The following MAP2K1 variants were observed in gnomAD, a reference collection of about 807,000 sequenced individuals.
MAP2K1 encodes the protein mitogen-activated protein kinase kinase 1, also known as dual specificity mitogen-activated protein kinase kinase 1.
A neutral mutation model predicts 46.3 loss-of-function variants in MAP2K1; 16 were observed. The observed-to-expected ratio is 0.35, with a 90% confidence interval of 0.23 to 0.52. MAP2K1 has a LOEUF of 0.52. Ranked by LOEUF, MAP2K1 falls within the 20% of genes least tolerant of loss-of-function variation. The pLI is 0.94. For synonymous variants in MAP2K1, 183 were observed against 185.6 expected, an observed-to-expected ratio of 0.99 and a Z score of 0.11; for missense variants, 263 against 497.1, an observed-to-expected ratio of 0.53 and a Z score of 4.48.
chr15:66,431,598 C>A (rs1008275129), intron 1 of MAP2K1, among the ~76,000 whole-genome samples: 46 of 152,326 alleles, frequency 3.0e-4, no homozygotes, highest in African/African-American at 1.1e-3. Context: ...AAATTTCTTG[C>A]TTCTTCCATT....
At chr15:66,428,330 G>C (rs1399341741) in intron 1 of MAP2K1, among the ~76,000 whole-genome samples, 1 of 144,784 alleles carries the variant, frequency 6.9e-6, no homozygotes, top group Non-Finnish European at 1.5e-5. Flanking sequence ...GTGTGTATGA[G>C]AGGGTTATTG....
In MAP2K1 at chr15:66,386,965, C is replaced by T. The variant is rs1014077465; in HGVS notation, c.-383C>T. The T allele has an allele frequency of 3.8e-6, 1 of 263,976 alleles. No individual in the cohort carries two copies. The highest frequency in any genetic ancestry group is 7.1e-6 in the Non-Finnish European group (1 of 140,216). 16.4% of individuals were successfully genotyped at this position (263,976 alleles called of 1,614,324 possible). On this transcript the variant is annotated 5_prime_UTR_variant, in exon 1 of 11. Coordinates refer to ENST00000307102, the MANE Select transcript of MAP2K1 (RefSeq NM_002755.4). ...GGCTAGGAGCACGGCGGCGGCGGCA[C>T]TTTCCCCGGCAGGAGCTGGAGCTGG... is the stretch of plus-strand genomic sequence containing the variant.
chr15:66,479,055 GTGACTTTGAACAAGTTGCTGGATCTCT>G (rs1468263074), intron 5 of MAP2K1, among the ~76,000 whole-genome samples: 3 of 151,946 alleles, frequency 2.0e-5, no homozygotes, highest in Non-Finnish European at 4.4e-5. Context: ...TTTTTGCTGT[GTGACTTTGAACAAGTTGCTGGATCTCT>G]TGGGCCTTAG....
chr15:66,433,749 C>CT (rs761913120), intron 1 of MAP2K1, among the ~76,000 whole-genome samples: 4 of 152,166 alleles, frequency 2.6e-5, no homozygotes, highest in Non-Finnish European at 5.9e-5. Context: ...GAAGGCCTAT[C>CT]TTGTCACCTG....
intron 1 of MAP2K1, among the ~76,000 whole-genome samples, chr15:66,420,823 A>ATATGTGTATATG: frequency 1.5e-5 from 1 of 65,956 alleles, no homozygotes; most frequent in African/African-American, 4.5e-5. Context: ...ATGTGTATAT[A>ATATGTGTATATG]TATATGTGTA....
At chr15:66,410,003 A>G (rs996949780) in intron 1 of MAP2K1, among the ~76,000 whole-genome samples, 11 of 152,116 alleles carry the variant, frequency 7.2e-5, no homozygotes, top group African/African-American at 2.7e-4. Flanking sequence ...GAGGTGGAAA[A>G]GATCTTGATA....
chr15:66,387,602 T>C (rs560363544), intron 1 of MAP2K1, among the ~76,000 whole-genome samples, 175 bp downstream of exon 1: 2 of 151,092 alleles, frequency 1.3e-5, no homozygotes, highest in Non-Finnish European at 2.9e-5. Flanking sequence ...TGTTCCTGAC[T>C]CAGACCAGTT....
intron 1 of MAP2K1, among the ~76,000 whole-genome samples, chr15:66,399,471 G>A (rs1025492442): frequency 2.0e-5 from 3 of 151,650 alleles, no homozygotes; most frequent in Non-Finnish European, 2.9e-5. Flanking sequence ...TTTTGAGATA[G>A]GATCTCGCTT....
chr15:66,390,695 T>C (rs575889188), intron 1 of MAP2K1, among the ~76,000 whole-genome samples: 9 of 152,300 alleles, frequency 5.9e-5, no homozygotes, highest in African/African-American at 1.9e-4. Context: ...TGTTCCTCTG[T>C]TTAAAATGTT....
At chr15:66,444,925 T>G in intron 5 of MAP2K1, 1 of 549,842 alleles carries the variant, frequency 1.8e-6, no homozygotes, top group Non-Finnish European at 3.3e-6. Flanking sequence ...TGATGGACAA[T>G]AGTCATAGTC....
chr15:66,460,526 G>T (rs904678150), intron 5 of MAP2K1, among the ~76,000 whole-genome samples: 1 of 152,164 alleles, frequency 6.6e-6, no homozygotes, highest in Non-Finnish European at 1.5e-5. Flanking sequence ...TACAACAAAG[G>T]GTTCCTGATG....
chr15:66,398,693 TTG>T (rs138196837), intron 1 of MAP2K1, among the ~76,000 whole-genome samples: 1,878 of 151,808 alleles, frequency 0.012, 27 homozygotes, highest in South Asian at 0.042. Context: ...TGAATCCCAA[TTG>T]TGTACCGGAT....
chr15:66,466,683 AAAAC>A (rs1296566826), intron 5 of MAP2K1, among the ~76,000 whole-genome samples: 2 of 152,228 alleles, frequency 1.3e-5, no homozygotes, highest in African/African-American at 2.4e-5. Flanking sequence ...GCATCTCAAA[AAAAC>A]AAACAAATTG....
intron 5 of MAP2K1, among the ~76,000 whole-genome samples, chr15:66,455,755 C>T (rs954747947): frequency 9.8e-5 from 15 of 152,342 alleles, no homozygotes; most frequent in Admixed American, 7.8e-4. Context: ...TTTGTCTCTG[C>T]CATAATGGAG....
At chr15:66,488,864 A>G (rs956086611) in intron 8 of MAP2K1, 10 of 363,846 alleles carry the variant, frequency 2.7e-5, no homozygotes, top group African/African-American at 2.1e-4. Context: ...TCAGAGCTTG[A>G]AAGGGTCCCT....
intron 1 of MAP2K1, among the ~76,000 whole-genome samples, chr15:66,432,332 G>A (rs1800246738): frequency 6.6e-6 from 1 of 152,198 alleles, no homozygotes; most frequent in Non-Finnish European, 1.5e-5. Flanking sequence ...GTGGTTAAAC[G>A]GCAAGGCATA....
chr15:66,489,438 C>G (rs985602981), intron 9 of MAP2K1, 162 bp downstream of exon 9: 19 of 738,838 alleles, frequency 2.6e-5, no homozygotes, highest in African/African-American at 2.4e-4. Flanking sequence ...TTTAGAGTGC[C>G]AAGACTTATG....
At chr15:66,477,684 A>C (rs1892786446) in intron 5 of MAP2K1, among the ~76,000 whole-genome samples, 1 of 152,184 alleles carries the variant, frequency 6.6e-6, no homozygotes, top group Non-Finnish European at 1.5e-5. Context: ...AACAGGCTTA[A>C]CAGATCATGC....
At chr15:66,452,179 C>A in intron 5 of MAP2K1, among the ~76,000 whole-genome samples, 1 of 134,286 alleles carries the variant, frequency 7.4e-6, no homozygotes. Flanking sequence ...GGAGATATAC[C>A]CAATGCTAGA....
Sources: gnomAD v4.1 joint callset for allele counts (sites outside exome capture counted in the v4.1 genomes callset) on GRCh38, gnomAD v4.1.1 for gene constraint, MANE v1.5 for transcripts, NCBI Gene and HGNC (gene_info 2026-07-23, HGNC 2026-07-21) for gene names.